Variants in GEMIN2 observed in about 807,000 individuals in gnomAD.
GEMIN2 encodes the protein gem-associated protein 2.
A neutral mutation model predicts 45.8 loss-of-function variants in GEMIN2; 37 were observed. The ratio of observed to expected loss-of-function variants is 0.81; its 90% CI spans 0.62 to 1.06. The LOEUF (loss-of-function observed/expected upper bound fraction) is 1.06, where lower values mean the gene tolerates loss of function less well. Among genes scored for constraint, GEMIN2 ranks in the 50% least tolerant of loss-of-function variants. GEMIN2 has a pLI of 0.00. For synonymous variants in GEMIN2, 101 were observed against 111.5 expected (o/e 0.91, Z 0.60); for missense variants, 335 against 321.8 (o/e 1.04, Z -0.31).
At chr14:39,115,456 C>CTT (rs35142656) in intron 2 of GEMIN2, among the ~76,000 whole-genome samples, 88,402 of 123,684 alleles carry the variant, frequency 0.71, 33,002 homozygotes, top group Non-Finnish European at 0.8. Flanking sequence ...ATGTCTTACA[C>CTT]TTTTTTTTTT....
chr14:39,118,025 A>G lies in GEMIN2; in HGVS notation c.249A>G (p.Glu83=). ...ISLSGCQPAP[E]GYSPTLQWQQ... is the part of the protein sequence containing the mutation. Reference sequence around the variant, plus strand: ...TTTCAGGATGCCAACCCGCCCCTGAAGGTTATTCCCCAACACTTCAATGGC... The same window carrying G: ...TTTCAGGATGCCAACCCGCCCCTGAGGGTTATTCCCCAACACTTCAATGGC... Residue 83 remains glutamate, a synonymous_variant, in exon 3 of 10, where the codon GAA becomes GAG. Transcript: ENST00000308317. 1 of 1,606,528 alleles carries G rather than the reference A, an allele frequency of 6.2e-7. No homozygotes were observed. The highest frequency in any genetic ancestry group is 1.1e-5 in the South Asian group (1 of 90,518).
Position 39,124,998 on chromosome 14 carries a change from T to C in GEMIN2, c.493T>C (p.Phe165Leu). Residue 165 changes from phenylalanine to leucine, a missense_variant, in exon 6 of 10, where the codon TTT (phenylalanine) becomes CTT (leucine). Transcript: ENST00000308317. Reference sequence around the variant, plus strand: ...GTCTCATTTTTTCTTTCAGATTGGTTTTCCTCCCTTGCTTAGTATTGTTAG... The same window carrying C: ...GTCTCATTTTTTCTTTCAGATTGGTCTTCCTCCCTTGCTTAGTATTGTTAG... ...SPGIDYVQIG[F>L]PPLLSIVSRM... is the part of the protein sequence containing the mutation. The C allele has an allele frequency of 1.4e-6, 2 of 1,476,020 alleles. No individual in the cohort carries two copies. The highest frequency in any genetic ancestry group is 1.9e-6 in the Non-Finnish European group (2 of 1,056,584). The allele number at this position is 1,476,020 out of a possible 1,614,324, so 91.4% of individuals were successfully genotyped here. A position where few individuals can be genotyped will look rare whatever the true frequency, so the allele number is the denominator to read the frequency against.
rs2052471913 is a variant in GEMIN2, at chr14:39,114,336, A to G, written c.-3A>G. ...CCGAGCGGAACTGGCTGGTTTGAAA[A>G]CCATGGCGTGGGTACCAGCGGAGTC... On this transcript the variant is annotated 5_prime_UTR_variant, in exon 1 of 10. Transcript: ENST00000308317. The G allele has an allele frequency of 1.2e-6, 2 of 1,613,820 alleles. No homozygotes were observed. Among genetic ancestry groups the G allele is most frequent in the African/African-American group, 1.3e-5 (1 of 74,920 alleles).
chr14:39,135,638 C>T (rs141473190), intron 9 of GEMIN2, among the ~76,000 whole-genome samples: 1 of 151,810 alleles, frequency 6.6e-6, no homozygotes, highest in Non-Finnish European at 1.5e-5. Context: ...CAGTGACTCA[C>T]ACCTGTAAGC....
At chr14:39,114,805 A>G in intron 1 of GEMIN2, 24 bp from the exon 2 acceptor site, 1 of 1,255,860 alleles carries the variant, frequency 8.0e-7, no homozygotes, top group East Asian at 2.3e-5. Flanking sequence ...AATTTAATTT[A>G]TCGCGTTTAT....
chr14:39,120,461 A>C (rs1304144069), intron 4 of GEMIN2, among the ~76,000 whole-genome samples: 1 of 152,226 alleles, frequency 6.6e-6, no homozygotes, highest in African/African-American at 2.4e-5. Flanking sequence ...CAATAATTTA[A>C]GCATGTGCTA....
intron 7 of GEMIN2, among the ~76,000 whole-genome samples, chr14:39,129,465 G>GT (rs2052687299): frequency 6.6e-6 from 1 of 152,130 alleles, no homozygotes; most frequent in Non-Finnish European, 1.5e-5. Flanking sequence ...CCAGGCTGGA[G>GT]TGCAGTAGCG....
chr14:39,119,147 T>G (rs2139335537), intron 4 of GEMIN2, among the ~76,000 whole-genome samples: 1 of 152,294 alleles, frequency 6.6e-6, no homozygotes, highest in African/African-American at 2.4e-5. Context: ...CACAAGTTTT[T>G]AAGGATTCTT....
At chr14:39,134,662 C>T (rs2052761033) in intron 9 of GEMIN2, among the ~76,000 whole-genome samples, 1 of 152,176 alleles carries the variant, frequency 6.6e-6, no homozygotes, top group Non-Finnish European at 1.5e-5. Flanking sequence ...TTGTGCCAAG[C>T]ATTTTTCTTA....
rs149112309 is a variant in GEMIN2 at position 39,114,517 on chromosome 14, C to T, written c.137+42C>T. 240 of 1,487,826 alleles carry T rather than the reference C, an allele frequency of 1.6e-4. 3 individuals are homozygous for T. The East Asian group carries it at 5.3e-3, about 33-fold the overall frequency. 92.2% of individuals were successfully genotyped at this position (1,487,826 alleles called of 1,614,324 possible). On this transcript the variant is annotated intron_variant, in intron 1 of 9. Coordinates refer to ENST00000308317, the MANE Select transcript of GEMIN2 (RefSeq NM_003616.3). Reference sequence around the variant, plus strand: ...TGGGCGGGTGGGCTGGTCTTCTGCCCTGCCCCTGGGTACAGCCCTCGGTGC... The same window carrying T: ...TGGGCGGGTGGGCTGGTCTTCTGCCTTGCCCCTGGGTACAGCCCTCGGTGC...
In GEMIN2 at chr14:39,133,259, ATATT is replaced by A. The variant is rs1260886188; in HGVS notation, c.712-397_712-394del. ...TTTATTCATATATGTATATTAATAT[ATATT>A]TATTATATATGAATACATATTCACT... On this transcript the variant is annotated intron_variant, in intron 8 of 9. Transcript: ENST00000308317. Among the ~76,000 whole-genome samples, 12 of 145,772 alleles carry A rather than the reference ATATT, an allele frequency of 8.2e-5. No homozygotes were observed. The South Asian group carries it at 8.4e-4, about 10-fold the overall frequency.
intron 6 of GEMIN2, among the ~76,000 whole-genome samples, chr14:39,126,831 T>C (rs2052648136): frequency 6.6e-6 from 1 of 152,152 alleles, no homozygotes; most frequent in South Asian, 2.1e-4. Context: ...AGTGGCACAA[T>C]CTTGGCTCAC....
Position 39,127,741 on chromosome 14 carries a change from G to C in GEMIN2, c.532-539G>C, listed in dbSNP as rs552865134. ...TCCTAGGATTTAAACCAAGGTGTTA[G>C]TTGATATTTGAAAGTGTGAAAATAT... is the stretch of plus-strand genomic sequence containing the variant. On this transcript the variant is annotated intron_variant, in intron 6 of 9. Transcript: ENST00000308317. 6.0e-4 allele frequency among the ~76,000 whole-genome samples: 92 copies of C among 152,226 alleles called. 1 individual carries two copies. The highest frequency in any genetic ancestry group is 2.0e-3 in the African/African-American group (85 of 41,558).
chr14:39,128,073 A>G (rs2052667109), intron 6 of GEMIN2, among the ~76,000 whole-genome samples: 1 of 149,622 alleles, frequency 6.7e-6, no homozygotes, highest in Admixed American at 6.6e-5. Context: ...ATCTCAAAAA[A>G]AAAAAAAAAA....
intron 6 of GEMIN2, among the ~76,000 whole-genome samples, chr14:39,127,993 G>A (rs542516796): frequency 1.1e-3 from 168 of 150,964 alleles, no homozygotes; most frequent in African/African-American, 3.7e-3. Context: ...GCTTGAACCC[G>A]GGAGGCGGAG....
chr14:39,133,547 G>A (rs572911769), intron 8 of GEMIN2, 114 bp from the exon 9 acceptor site: 1 of 491,396 alleles, frequency 2.0e-6, no homozygotes, highest in Admixed American at 4.0e-5. Context: ...TCCACATGAT[G>A]ATTACTGTCA....
At chr14:39,127,145 A>AAGCGGCAGGATCTCAGCTCAC (rs1366399731) in intron 6 of GEMIN2, among the ~76,000 whole-genome samples, 22 of 140,126 alleles carry the variant, frequency 1.6e-4, no homozygotes, top group African/African-American at 5.9e-4. Context: ...GGCTGTACTG[A>AAGCGGCAGGATCTCAGCTCAC]AGCGGCAGGA....
chr14:39,132,938 C>G (rs2052736392), intron 8 of GEMIN2, among the ~76,000 whole-genome samples: 1 of 150,116 alleles, frequency 6.7e-6, no homozygotes, highest in Non-Finnish European at 1.5e-5. Flanking sequence ...CTCAGCCTCC[C>G]AAAGTGCTGG....
At chr14:39,135,609 A>C (rs747423529) in intron 9 of GEMIN2, among the ~76,000 whole-genome samples, 1 of 151,808 alleles carries the variant, frequency 6.6e-6, no homozygotes, top group Non-Finnish European at 1.5e-5. Flanking sequence ...AAAAAGAAAA[A>C]AAAAAGGAAA....
Sources: allele counts gnomAD v4.1 joint callset (sites outside exome capture counted in the v4.1 genomes callset), GRCh38; gene constraint gnomAD v4.1.1; transcripts MANE v1.5; gene names NCBI Gene and HGNC (gene_info 2026-07-23, HGNC 2026-07-21).